GDA: variants seen among roughly 807,000 people sequenced by gnomAD.
GDA encodes cytoplasmic PSD-95 interactor.
Under a neutral mutation model 59.6 loss-of-function variants are expected in GDA, and 18 were observed. That is an observed-to-expected ratio of 0.30 (90% CI 0.21 to 0.45). GDA has a LOEUF of 0.45. Ranked by LOEUF, GDA falls within the 20% of genes least tolerant of loss-of-function variation. The pLI, the probability that GDA is intolerant of heterozygous loss-of-function variation, is 1.00. For synonymous variants in GDA, 201 were observed against 201.1 expected (o/e 1.00, Z 0.00); for missense variants, 427 against 552.3 (o/e 0.77, Z 2.27).
At chr9:72,132,467 G>C (rs1166875084) in intron 1 of GDA, among the ~76,000 whole-genome samples, 2 of 152,138 alleles carry the variant, frequency 1.3e-5, no homozygotes, top group East Asian at 3.9e-4. Context: ...AAATTGCTGT[G>C]ACAGACAGTA....
chr9:72,237,809 A>C (rs146837572), intron 10 of GDA, among the ~76,000 whole-genome samples: 14 of 151,950 alleles, frequency 9.2e-5, no homozygotes, highest in African/African-American at 3.4e-4. Context: ...CTTCTCCCTC[A>C]CTTCTTCCCC....
chr9:72,174,777 GAGAC>G (rs1010821716), intron 1 of GDA, among the ~76,000 whole-genome samples: 25 of 151,810 alleles, frequency 1.6e-4, no homozygotes, highest in Admixed American at 5.2e-4. Context: ...GAGAGAGAGA[GAGAC>G]AGACAGACAG....
intron 1 of GDA, among the ~76,000 whole-genome samples, chr9:72,160,601 A>T (rs905230628): frequency 6.6e-6 from 1 of 152,212 alleles, no homozygotes; most frequent in African/African-American, 2.4e-5. Context: ...CATTGTGTAG[A>T]TATACCACAT....
chr9:72,195,588 A>G lies in GDA; in HGVS notation c.212A>G (p.His71Arg). ...KPCEIRELSH[H>R]EFFMPGLVDT... ...TGTGAAATAAGAGAACTGAGCCACC[A>G]GTAAGTTGTTACTTCTTCCCTTTTA... is the stretch of plus-strand genomic sequence containing the variant. The change falls in exon 2 of 14, where the codon CAT becomes CGT. Residue 71 changes from histidine (H) to arginine (R), a missense_variant and splice_region_variant. Coordinates refer to ENST00000358399, the MANE Select transcript of GDA (RefSeq NM_004293.5). 1 of 1,500,454 alleles carries G rather than the reference A, an allele frequency of 6.7e-7. No homozygotes were observed. Among genetic ancestry groups the G allele is most frequent in the Non-Finnish European group, 9.1e-7 (1 of 1,092,902 alleles). The allele number at this position is 1,500,454 out of a possible 1,614,324, so 92.9% of individuals were successfully genotyped here. A position where few individuals can be genotyped will look rare whatever the true frequency, so the allele number is the denominator to read the frequency against.
intron 1 of GDA, among the ~76,000 whole-genome samples, chr9:72,117,778 G>T (rs1024071343): frequency 6.6e-6 from 1 of 152,168 alleles, no homozygotes; most frequent in Non-Finnish European, 1.5e-5. Flanking sequence ...GTACCACTGA[G>T]TTGGGTGATA....
chr9:72,205,269 G>A (rs922848868), intron 3 of GDA, among the ~76,000 whole-genome samples: 5 of 152,110 alleles, frequency 3.3e-5, no homozygotes, highest in Non-Finnish European at 7.4e-5. Context: ...AACTAGCCAC[G>A]TAGCCTACTC....
At chr9:72,180,636 T>G (rs1320828688) in intron 1 of GDA, among the ~76,000 whole-genome samples, 2 of 152,234 alleles carry the variant, frequency 1.3e-5, no homozygotes, top group African/African-American at 4.8e-5. Flanking sequence ...ATTTCAGGAT[T>G]CAAATGTGTC....
chr9:72,232,762 T>G (rs1838504775), intron 10 of GDA, among the ~76,000 whole-genome samples: 1 of 152,250 alleles, frequency 6.6e-6, no homozygotes, highest in South Asian at 2.1e-4. Context: ...TCACTTATTA[T>G]CTGTAAGACC....
chr9:72,122,143 C>T (rs577152279), intron 1 of GDA, among the ~76,000 whole-genome samples: 2 of 152,270 alleles, frequency 1.3e-5, no homozygotes, highest in East Asian at 1.9e-4. Context: ...CACAATTCTA[C>T]CTGGAGCCCA....
chr9:72,133,308 A>AATAATAATAATAATAAT (rs1554722434), intron 1 of GDA, among the ~76,000 whole-genome samples: 21 of 101,554 alleles, frequency 2.1e-4, no homozygotes, highest in South Asian at 3.4e-4. Flanking sequence ...AAAAAAAAAA[A>AATAATAATAATAATAAT]AATAATAATA....
chr9:72,125,271 G>C (rs1375216517), intron 1 of GDA, among the ~76,000 whole-genome samples: 1 of 152,048 alleles, frequency 6.6e-6, no homozygotes, highest in Admixed American at 6.6e-5. Flanking sequence ...GCCAGAGAAG[G>C]ATCCTTCCTT....
intron 1 of GDA, among the ~76,000 whole-genome samples, chr9:72,115,458 CG>C (rs1390471818): frequency 6.6e-6 from 1 of 152,136 alleles, no homozygotes; most frequent in African/African-American, 2.4e-5. Context: ...ACTTTTTGAA[CG>C]TAGACTTCTC....
intron 11 of GDA, among the ~76,000 whole-genome samples, chr9:72,243,852 G>A (rs575028030): frequency 2.7e-4 from 41 of 152,136 alleles, no homozygotes; most frequent in Admixed American, 5.9e-4. Flanking sequence ...CTTTATCTTA[G>A]CGGTGATAGA....
chr9:72,157,856 G>A (rs1438934791), intron 1 of GDA, among the ~76,000 whole-genome samples: 1 of 152,188 alleles, frequency 6.6e-6, no homozygotes, highest in East Asian at 1.9e-4. Flanking sequence ...AGTGGGAATA[G>A]GATTACCATG....
chr9:72,225,409 G>A (rs1837427759), intron 7 of GDA, among the ~76,000 whole-genome samples: 1 of 151,988 alleles, frequency 6.6e-6, no homozygotes, highest in South Asian at 2.1e-4. Context: ...AATTTGTCTT[G>A]ATATTATACA....
At chr9:72,195,241 T>C (rs1267943138) in intron 1 of GDA, among the ~76,000 whole-genome samples, 1 of 152,032 alleles carries the variant, frequency 6.6e-6, no homozygotes, top group African/African-American at 2.4e-5. Context: ...CCTTGTATCT[T>C]CAATTGAGAA....
At chr9:72,154,616 C>T (rs12338453) in intron 1 of GDA, among the ~76,000 whole-genome samples, 27,440 of 152,136 alleles carry the variant, frequency 0.18, 2,756 homozygotes, top group African/African-American at 0.28. Context: ...GCATTTGGTG[C>T]TAGATTCACT....
chr9:72,215,506 A>T (rs553105360), intron 5 of GDA, among the ~76,000 whole-genome samples: 15 of 152,334 alleles, frequency 9.8e-5, no homozygotes, highest in African/African-American at 3.6e-4. Flanking sequence ...GGGATCTAGA[A>T]TATCCCCTCT....
At chr9:72,236,405 C>A (rs1316069054) in intron 10 of GDA, among the ~76,000 whole-genome samples, 5 of 152,160 alleles carry the variant, frequency 3.3e-5, no homozygotes, top group African/African-American at 1.2e-4. Flanking sequence ...CTTAAACTTT[C>A]TACCCCAACT....
Sources: allele counts gnomAD v4.1 joint callset (sites outside exome capture counted in the v4.1 genomes callset), GRCh38; gene constraint gnomAD v4.1.1; transcripts MANE v1.5; gene names NCBI Gene and HGNC (gene_info 2026-07-23, HGNC 2026-07-21).